PRKN: variants seen among roughly 807,000 people sequenced by gnomAD.
PRKN encodes the protein parkin RBR E3 ubiquitin protein ligase, also known as E3 ubiquitin-protein ligase parkin.
PRKN carries 56 observed loss-of-function variants against 59.5 expected under a neutral mutation model. The observed-to-expected ratio is 0.94, with a 90% CI of 0.76 to 1.18. The LOEUF (loss-of-function observed/expected upper bound fraction) is 1.18. Ranked by LOEUF, PRKN falls within the 50% of genes most tolerant of loss-of-function variation. PRKN has a pLI of 0.00. For missense variants in PRKN, 657 were observed against 596.4 expected (o/e 1.10, Z -1.06); for synonymous variants, 250 against 222.1 (o/e 1.13, Z -1.12).
chr6:162,459,270 A>T (rs1433338670), intron 1 of PRKN, among the ~76,000 whole-genome samples: 2 of 152,184 alleles, frequency 1.3e-5, no homozygotes, highest in Non-Finnish European at 2.9e-5. Context: ...AGCACTTATT[A>T]GGTAGATAAT....
chr6:162,029,726 G>T (rs1408946770), intron 5 of PRKN, among the ~76,000 whole-genome samples: 2 of 152,098 alleles, frequency 1.3e-5, no homozygotes, highest in Non-Finnish European at 2.9e-5. Flanking sequence ...ATTATCTTGG[G>T]CATTATTTTT....
intron 4 of PRKN, among the ~76,000 whole-genome samples, chr6:162,130,730 A>G (rs1781317982): frequency 6.6e-6 from 1 of 152,194 alleles, no homozygotes; most frequent in African/African-American, 2.4e-5. Context: ...GCAGCCAGGA[A>G]GAGTCTCACT....
chr6:162,134,204 C>T lies in PRKN; in HGVS notation c.534+66927G>A, dbSNP rs377585667. Among the ~76,000 whole-genome samples, 7 of 152,274 alleles carry T rather than the reference C, an allele frequency of 4.6e-5. 1 individual carries two copies. The highest frequency in any genetic ancestry group is 1.4e-4 in the African/African-American group (6 of 41,564). On this transcript the variant is annotated intron_variant, in intron 4 of 11. Coordinates refer to ENST00000366898, the MANE Select transcript of PRKN (RefSeq NM_004562.3). ...TGGTGGAGCTGAGAAGGAATTCCAG[C>T]TCAACTGAACACTACAGTGGAAGCT...
intron 10 of PRKN, among the ~76,000 whole-genome samples, chr6:161,374,593 G>A (rs1182191454): frequency 8.0e-4 from 33 of 41,328 alleles, no homozygotes; most frequent in South Asian, 1.9e-3. Context: ...TGGTGCATGT[G>A]TGTGGTGTGT....
chr6:162,585,952 G>A (rs778042087), intron 1 of PRKN, among the ~76,000 whole-genome samples: 2 of 152,006 alleles, frequency 1.3e-5, no homozygotes, highest in South Asian at 2.1e-4. Flanking sequence ...TGATCCACCC[G>A]CCTCGGCCTC....
At chr6:162,323,513 A>C (rs1168216218) in intron 2 of PRKN, among the ~76,000 whole-genome samples, 2 of 152,062 alleles carry the variant, frequency 1.3e-5, no homozygotes, top group Non-Finnish European at 2.9e-5. Context: ...TATATGATAT[A>C]TTCTTGTATC....
In PRKN at chr6:161,468,234, A is replaced by G. The variant is rs1330897107; in HGVS notation, c.1083+80620T>C. Reference sequence around the variant, plus strand: ...GTGATCCGCCCGCCTCAACCTCCCAACGTGCTAGGATTACAGGCATGAGCC... The same window carrying G: ...GTGATCCGCCCGCCTCAACCTCCCAGCGTGCTAGGATTACAGGCATGAGCC... On this transcript the variant is annotated intron_variant, in intron 9 of 11. Coordinates refer to ENST00000366898, the MANE Select transcript of PRKN (RefSeq NM_004562.3). The surrounding 1 kb of genome is among the most constrained non-coding windows in gnomAD (Gnocchi z 5.9). Among the ~76,000 whole-genome samples, 2 of 152,060 alleles carry G rather than the reference A, an allele frequency of 1.3e-5. No individual in the cohort carries two copies. The highest frequency in any genetic ancestry group is 2.9e-5 in the Non-Finnish European group (2 of 67,982).
intron 4 of PRKN, among the ~76,000 whole-genome samples, chr6:162,149,977 C>T (rs1562542673): frequency 6.6e-6 from 1 of 152,132 alleles, no homozygotes; most frequent in Non-Finnish European, 1.5e-5. Context: ...ACTCTACATT[C>T]CTGCATTTTG....
chr6:162,233,020 C>T (rs1778489080), intron 3 of PRKN, among the ~76,000 whole-genome samples: 1 of 152,072 alleles, frequency 6.6e-6, no homozygotes. Flanking sequence ...CAAATATCAC[C>T]ATGAGCACTA....
chr6:162,281,800 C>T (rs9347610), intron 2 of PRKN, among the ~76,000 whole-genome samples: 9,029 of 152,150 alleles, frequency 0.059, 432 homozygotes, highest in African/African-American at 0.13. Flanking sequence ...TCCAGTTATG[C>T]AGTCTACAGC....
chr6:161,387,772 A>G (rs1320678681), intron 9 of PRKN, among the ~76,000 whole-genome samples: 1 of 152,210 alleles, frequency 6.6e-6, no homozygotes, highest in South Asian at 2.1e-4. Context: ...GCAGGACCTC[A>G]GAAAGTAACT....
intron 2 of PRKN, among the ~76,000 whole-genome samples, chr6:162,371,742 ATCACTTCTATT>A (rs2128137170): frequency 6.6e-6 from 1 of 152,266 alleles, no homozygotes; most frequent in South Asian, 2.1e-4. Flanking sequence ...TGCTCCACTC[ATCACTTCTATT>A]TCCAGTTCTG....
At chr6:162,011,559 G>C (rs145757363) in intron 5 of PRKN, among the ~76,000 whole-genome samples, 1 of 128,216 alleles carries the variant, frequency 7.8e-6, no homozygotes, top group African/African-American at 3.0e-5. Flanking sequence ...TTTAAGATTG[G>C]TTTGATATTT....
At chr6:162,246,153 A>G (rs374379520) in intron 3 of PRKN, among the ~76,000 whole-genome samples, 1 of 152,086 alleles carries the variant, frequency 6.6e-6, no homozygotes, top group African/African-American at 2.4e-5. Flanking sequence ...CAAAATTCCT[A>G]TGTTGAAGCT....
At chr6:161,776,710 T>C (rs987301053) in intron 7 of PRKN, among the ~76,000 whole-genome samples, 2 of 152,096 alleles carry the variant, frequency 1.3e-5, no homozygotes, top group African/African-American at 4.8e-5. Context: ...CTGAAAAGCA[T>C]ATCTGGGGTT....
At chr6:161,540,320 C>T (rs948574623) in intron 9 of PRKN, among the ~76,000 whole-genome samples, 9 of 151,852 alleles carry the variant, frequency 5.9e-5, no homozygotes, top group Non-Finnish European at 1.0e-4. Flanking sequence ...ATTTTAAAAT[C>T]TCTCATATTC....
intron 7 of PRKN, among the ~76,000 whole-genome samples, chr6:161,681,669 C>T (rs942039358): frequency 1.2e-4 from 18 of 152,254 alleles, no homozygotes; most frequent in Admixed American, 5.9e-4. Flanking sequence ...GCTCAAGTGG[C>T]GCTGGAGCTT....
rs1378802342 is a variant in PRKN at position 162,708,816 on chromosome 6, C to T, written c.7+18846G>A. 6.6e-5 allele frequency among the ~76,000 whole-genome samples: 10 copies of T among 152,272 alleles called. No homozygotes were observed. The East Asian group carries it at 1.9e-3, about 29-fold the overall frequency. ...GGGCCTACATATCTTACTGCAGGGG[C>T]CCCCAAGCCGCAGGCCATAGGGGTC... On this transcript the variant is annotated intron_variant, in intron 1 of 11. Transcript: ENST00000366898.
chr6:162,378,041 G>T lies in PRKN; in HGVS notation c.171+65269C>A, dbSNP rs191181703. Among the ~76,000 whole-genome samples the T allele has an allele frequency of 6.6e-5, 10 of 152,182 alleles. No individual in the cohort carries two copies. In the East Asian group the frequency reaches 1.9e-3, roughly 29 times the overall value. ...TTTGGTACAATCCATTCCCTTTCTC[G>T]TCGGGATTCACACAGCATGGTCAAA... On this transcript the variant is annotated intron_variant, in intron 2 of 11. Transcript: ENST00000366898.
Sources: allele counts gnomAD v4.1 joint callset (sites outside exome capture counted in the v4.1 genomes callset), GRCh38; gene constraint gnomAD v4.1.1; non-coding constraint Gnocchi (gnomAD v3.1); transcripts MANE v1.5; gene names NCBI Gene and HGNC (gene_info 2026-07-23, HGNC 2026-07-21).